Variants in EEFSEC observed in about 807,000 individuals in gnomAD.
EEFSEC encodes the protein eukaryotic elongation factor, selenocysteine-tRNA specific.
EEFSEC carries 43 observed loss-of-function variants against 42.1 expected under a neutral mutation model. The ratio of observed to expected loss-of-function variants is 1.02; its 90% CI spans 0.80 to 1.32. The LOEUF is 1.32. Ranked by LOEUF, EEFSEC falls within the 40% of genes most tolerant of loss-of-function variation. EEFSEC has a pLI of 0.00. For missense variants in EEFSEC, 745 were observed against 803.6 expected, an observed-to-expected ratio of 0.93 and a Z score of 0.88; for synonymous variants, 354 against 339.1, an observed-to-expected ratio of 1.04 and a Z score of -0.48.
intron 1 of EEFSEC, among the ~76,000 whole-genome samples, chr3:128,222,398 A>G (rs879596718): frequency 2.6e-5 from 4 of 152,212 alleles, no homozygotes; most frequent in Non-Finnish European, 4.4e-5. Flanking sequence ...AGAGCAAATT[A>G]TAGGAAAGAA....
Position 128,393,394 on chromosome 3 carries a change from G to A in EEFSEC, c.1601-14675G>A, listed in dbSNP as rs192234978. On this transcript the variant is annotated intron_variant, in intron 6 of 6. Coordinates refer to ENST00000254730, the MANE Select transcript of EEFSEC (RefSeq NM_021937.5). Reference sequence around the variant, plus strand: ...CCCAGATGGGAGTCCTGGCGTTCACGCTGCTGCAGAAACATGAACACCAGC... The same window carrying A: ...CCCAGATGGGAGTCCTGGCGTTCACACTGCTGCAGAAACATGAACACCAGC... 6.6e-5 allele frequency among the ~76,000 whole-genome samples: 10 copies of A among 152,308 alleles called. No homozygotes were observed. The East Asian group carries it at 9.7e-4, about 15-fold the overall frequency.
intron 4 of EEFSEC, among the ~76,000 whole-genome samples, chr3:128,321,911 C>T (rs898611578): frequency 5.9e-5 from 9 of 152,136 alleles, no homozygotes; most frequent in Admixed American, 3.9e-4. Context: ...GGGAGCCTCC[C>T]GAGGCAGTGA....
chr3:128,188,386 GC>G (rs1272156129), intron 1 of EEFSEC, among the ~76,000 whole-genome samples: 1 of 152,174 alleles, frequency 6.6e-6, no homozygotes, highest in Non-Finnish European at 1.5e-5. Context: ...GCATGCAGCA[GC>G]CCCAGGGCTT....
At chr3:128,211,786 G>A (rs2065758568) in intron 1 of EEFSEC, among the ~76,000 whole-genome samples, 1 of 149,134 alleles carries the variant, frequency 6.7e-6, no homozygotes, top group Non-Finnish European at 1.5e-5. Flanking sequence ...AACATGCTAG[G>A]ATTACAGGCG....
chr3:128,160,394 G>C (rs1163114150), intron 1 of EEFSEC, among the ~76,000 whole-genome samples: 2 of 152,246 alleles, frequency 1.3e-5, no homozygotes, highest in Non-Finnish European at 2.9e-5. Context: ...TGGTGTGTGG[G>C]AGGTGTGCTA....
chr3:128,262,949 G>A (rs2066314042), intron 3 of EEFSEC, among the ~76,000 whole-genome samples: 1 of 152,272 alleles, frequency 6.6e-6, no homozygotes, highest in Admixed American at 6.5e-5. Context: ...TGTGGTTCAG[G>A]GGCTAGCTCC....
At chr3:128,195,435 G>A (rs1384895785) in intron 1 of EEFSEC, among the ~76,000 whole-genome samples, 1 of 152,148 alleles carries the variant, frequency 6.6e-6, no homozygotes, top group Non-Finnish European at 1.5e-5. Flanking sequence ...TCTCATAATA[G>A]AAAACCAGGC....
chr3:128,354,544 T>A (rs2659701), intron 5 of EEFSEC, among the ~76,000 whole-genome samples: 3 of 152,108 alleles, frequency 2.0e-5, no homozygotes, highest in African/African-American at 4.8e-5. Flanking sequence ...AACAAGGAAC[T>A]CTGGGAGCCC....
intron 1 of EEFSEC, among the ~76,000 whole-genome samples, chr3:128,195,824 T>C (rs1576536278): frequency 6.6e-6 from 1 of 152,170 alleles, no homozygotes; most frequent in Non-Finnish European, 1.5e-5. Context: ...TCTAGATTAG[T>C]GATTAGAGAG....
chr3:128,290,125 T>C (rs1402843898), intron 4 of EEFSEC, among the ~76,000 whole-genome samples: 4 of 152,222 alleles, frequency 2.6e-5, no homozygotes, highest in African/African-American at 4.8e-5. Context: ...TTATGCCTTT[T>C]GTGTCCTCTC....
chr3:128,378,992 G>T (rs931336301), intron 6 of EEFSEC, among the ~76,000 whole-genome samples: 4 of 152,248 alleles, frequency 2.6e-5, no homozygotes, highest in Non-Finnish European at 5.9e-5. Flanking sequence ...TTGAAGAGAG[G>T]TGAGGGGTGA....
intron 1 of EEFSEC, among the ~76,000 whole-genome samples, chr3:128,241,022 C>T (rs2955080): frequency 0.84 from 127,628 of 152,158 alleles, 54,006 homozygotes; most frequent in East Asian, 0.99. Flanking sequence ...CTGGAACACC[C>T]GCAGGGGGCT....
intron 4 of EEFSEC, among the ~76,000 whole-genome samples, chr3:128,325,268 G>C (rs77125172): frequency 0.016 from 2,402 of 152,342 alleles, 45 homozygotes; most frequent in African/African-American, 0.054. Flanking sequence ...TTTTGTGACA[G>C]CTTCCTCACT....
chr3:128,351,618 TG>T (rs1201440243), intron 5 of EEFSEC, among the ~76,000 whole-genome samples: 1 of 152,232 alleles, frequency 6.6e-6, no homozygotes, highest in African/African-American at 2.4e-5. Flanking sequence ...CTTCACAGCT[TG>T]GGCAATTCCC....
At chr3:128,328,453 C>T (rs1013962070) in intron 4 of EEFSEC, among the ~76,000 whole-genome samples, 1 of 152,166 alleles carries the variant, frequency 6.6e-6, no homozygotes, top group Non-Finnish European at 1.5e-5. Flanking sequence ...CCTGGTGCAC[C>T]CCAGGACCAA....
chr3:128,200,580 G>C (rs535796140), intron 1 of EEFSEC, among the ~76,000 whole-genome samples: 2 of 152,174 alleles, frequency 1.3e-5, no homozygotes, highest in East Asian at 3.8e-4. Context: ...GAGCCACCGC[G>C]CCCAGCCTTC....
At chr3:128,375,951 G>A (rs577328498) in intron 6 of EEFSEC, among the ~76,000 whole-genome samples, 34 of 152,308 alleles carry the variant, frequency 2.2e-4, no homozygotes, top group Non-Finnish European at 4.0e-4. Context: ...CTGAGAAATA[G>A]GGTATTTGAA....
intron 1 of EEFSEC, among the ~76,000 whole-genome samples, chr3:128,189,991 T>C (rs752289061): frequency 2.6e-5 from 4 of 152,158 alleles, no homozygotes; most frequent in Non-Finnish European, 5.9e-5. Flanking sequence ...GCCTCCTGAG[T>C]AGCTGGGACT....
At chr3:128,328,472 C>A (rs1440574702) in intron 4 of EEFSEC, among the ~76,000 whole-genome samples, 2 of 152,172 alleles carry the variant, frequency 1.3e-5, no homozygotes, top group African/African-American at 2.4e-5. Flanking sequence ...AAGGAGTGGG[C>A]CGTAAGCCCA....
Sources: allele counts gnomAD v4.1 joint callset (sites outside exome capture counted in the v4.1 genomes callset), GRCh38; gene constraint gnomAD v4.1.1; transcripts MANE v1.5; gene names NCBI Gene and HGNC (gene_info 2026-07-23, HGNC 2026-07-21).